The following DYRK2 variants were observed in gnomAD, a reference collection of about 807,000 sequenced individuals.
DYRK2 encodes the protein dual specificity tyrosine-phosphorylation-regulated kinase 2.
DYRK2 carries 12 observed loss-of-function variants against 41.6 expected under a neutral mutation model. The ratio of observed to expected loss-of-function variants is 0.29; its 90% CI spans 0.18 to 0.47. DYRK2 has a LOEUF of 0.47. DYRK2 is among the 20% of genes least tolerant of loss of function. The probability of loss-of-function intolerance (pLI) is 1.00; values close to 1 mark genes in which losing one functional copy is unlikely to be tolerated. For missense variants in DYRK2, 678 were observed against 798.4 expected (o/e 0.85, Z 1.82); for synonymous variants, 322 against 315.7 (o/e 1.02, Z -0.21).
rs1317358301 is a variant in DYRK2 at position 67,660,696 on chromosome 12, T to C, written c.*1983T>C. On this transcript the variant is annotated 3_prime_UTR_variant, in exon 3 of 3. Coordinates refer to ENST00000344096, the MANE Select transcript of DYRK2 (RefSeq NM_006482.3). ...CTCCCAATCAATGGCTTATAGAATT[T>C]AAAGATCTGTATATTAGATTTTGGC... 1 of 167,068 alleles carries C rather than the reference T, an allele frequency of 6.0e-6. No individual in the cohort carries two copies. The highest frequency in any genetic ancestry group is 1.5e-5 in the Non-Finnish European group (1 of 68,114). 10.3% of individuals were successfully genotyped at this position (167,068 alleles called of 1,614,324 possible).
At position 67,649,049 on chromosome 12, in the gene DYRK2, A is replaced by AGGCGGCGGC. The variant is rs925846387; in HGVS notation, c.-78_-70dup. ...GGGACCCGCGCGAGGGGCGGCCGGG[A>AGGCGGCGGC]GGCGGCGGCGGCGGCCGCCAGAAGT... On this transcript the variant is annotated 5_prime_UTR_variant, in exon 1 of 3. Coordinates refer to ENST00000344096, the MANE Select transcript of DYRK2 (RefSeq NM_006482.3). The AGGCGGCGGC allele has an allele frequency of 2.5e-6, 3 of 1,192,028 alleles. No homozygotes were observed. Among genetic ancestry groups the AGGCGGCGGC allele is most frequent in the Non-Finnish European group, 1.1e-6 (1 of 902,756 alleles). The allele number at this position is 1,192,028 out of a possible 1,614,324, so 73.8% of individuals were successfully genotyped here.
rs368663247 is a variant in DYRK2 at position 67,657,208 on chromosome 12, C to T, written c.301C>T (p.Arg101Trp). 13 of 1,613,840 alleles carry T rather than the reference C, an allele frequency of 8.1e-6. No homozygotes were observed. Among genetic ancestry groups the T allele is most frequent in the East Asian group, 4.5e-5 (2 of 44,886 alleles). ...QQLFEDNSNK[R>W]TVLTTQPNGL... ...GTTGTTTGAGGATAACAGTAACAAG[C>T]GGACAGTGCTCACGACACAACCAAA... Residue 101 changes from arginine to tryptophan, a missense_variant, in exon 3 of 3, where the codon CGG becomes TGG. By Grantham distance (101) the Arg-to-Trp change is moderately radical. Around this residue, in one of 2 missense-constraint regions of DYRK2, gnomAD observed 285 missense variants for 279.2 expected, o/e 1.02. Transcript: ENST00000344096. This position sits in a 1 kb window ranked among gnomAD's most constrained non-coding sequence, Gnocchi z 4.8.
rs150233125 is a variant in DYRK2 at position 67,659,379 on chromosome 12, T to G, written c.*666T>G. 131 of 167,250 alleles carry G rather than the reference T, an allele frequency of 7.8e-4. 1 individual carries two copies. The highest frequency in any genetic ancestry group is 3.3e-3 in the South Asian group (16 of 4,832). 10.4% of individuals were successfully genotyped at this position (167,250 alleles called of 1,614,324 possible). A position where few individuals can be genotyped will look rare whatever the true frequency, so the allele number is the denominator to read the frequency against. ...ATAAATGGGAATGGAAACGTGTGTG[T>G]TCCTCCAAATTTTCTAGTATGATCG... On this transcript the variant is annotated 3_prime_UTR_variant, in exon 3 of 3. Coordinates refer to ENST00000344096, the MANE Select transcript of DYRK2 (RefSeq NM_006482.3).
chr12:67,652,043 A>T (rs1370555298), intron 2 of DYRK2, among the ~76,000 whole-genome samples: 1 of 152,100 alleles, frequency 6.6e-6, no homozygotes. Flanking sequence ...AACTTCTAGA[A>T]TGAATGGGGG....
At position 67,657,423 on chromosome 12, in the gene DYRK2, C is replaced by T. The variant is rs768047878; in HGVS notation, c.516C>T (p.His172=). The change falls in exon 3 of 3, where the codon CAC becomes CAT. Residue 172 remains histidine (H), a synonymous_variant. Coordinates refer to ENST00000344096, the MANE Select transcript of DYRK2 (RefSeq NM_006482.3). The surrounding 1 kb of genome is among the most constrained non-coding windows in gnomAD (Gnocchi z 4.8). ...QYMQKLTAFE[H]HEIFSYPEIY... The stretch of plus-strand genomic sequence containing the variant: ...TGCAAAAACTCACAGCCTTCGAACA[C>T]CATGAGATTTTCAGCTACCCTGAAA... 1 of 1,614,160 alleles carries T rather than the reference C, an allele frequency of 6.2e-7. No homozygotes were observed. The highest frequency in any genetic ancestry group is 1.1e-5 in the South Asian group (1 of 91,078).
rs77010390 is a variant in DYRK2 at position 67,651,216 on chromosome 12, A to G, written c.198+1271A>G. ...AGTAGGATGGATGATTCTGTATATTACTGTTAAGTGTTCTTGTCACAGTGA... is the reference window on the plus strand; with the variant it reads ...AGTAGGATGGATGATTCTGTATATTGCTGTTAAGTGTTCTTGTCACAGTGA... On this transcript the variant is annotated intron_variant, in intron 2 of 2. Coordinates refer to ENST00000344096, the MANE Select transcript of DYRK2 (RefSeq NM_006482.3). 6.7e-3 allele frequency among the ~76,000 whole-genome samples: 1,023 copies of G among 152,220 alleles called. 11 individuals carry two copies. Among genetic ancestry groups the G allele is most frequent in the South Asian group, 0.06 (288 of 4,810 alleles).
chr12:67,664,471 A>G lies in DYRK2; in HGVS notation c.*5758A>G, dbSNP rs1413367378. The G allele has an allele frequency of 6.6e-6, 1 of 152,186 alleles. No homozygotes were observed. Among genetic ancestry groups the G allele is most frequent in the African/African-American group, 2.4e-5 (1 of 41,454 alleles). The allele number at this position is 152,186 out of a possible 1,614,324, so 9.4% of individuals were successfully genotyped here. A position where few individuals can be genotyped will look rare whatever the true frequency, so the allele number is the denominator to read the frequency against. ...ACATAGAAAGCTCCTTGGAGATTTC[A>G]TGATGTTGGATGAACATCAGTTTAT... On this transcript the variant is annotated 3_prime_UTR_variant, in exon 3 of 3. Transcript: ENST00000344096.
intron 2 of DYRK2, among the ~76,000 whole-genome samples, chr12:67,653,680 A>C (rs1245231074): frequency 6.6e-6 from 1 of 152,204 alleles, no homozygotes; most frequent in Non-Finnish European, 1.5e-5. Flanking sequence ...ATGAAGGTAC[A>C]CAATGTAGTT....
At chr12:67,651,331 G>T (rs1447559486) in intron 2 of DYRK2, 5 of 256,630 alleles carry the variant, frequency 1.9e-5, no homozygotes, top group Non-Finnish European at 3.1e-5. Context: ...CCAGTTTTTT[G>T]CTATGTGTTG....
intron 2 of DYRK2, chr12:67,652,774 G>A (rs1415950814): frequency 2.0e-5 from 3 of 152,224 alleles, no homozygotes; most frequent in Middle Eastern, 3.4e-3. Flanking sequence ...CTCTCAATTC[G>A]AACCCATAAA....
chr12:67,651,811 C>G (rs777268859), intron 2 of DYRK2, among the ~76,000 whole-genome samples: 2 of 152,170 alleles, frequency 1.3e-5, no homozygotes, highest in African/African-American at 2.4e-5. Flanking sequence ...GACAAGGTAA[C>G]TGGTTTCATC....
Position 67,659,072 on chromosome 12 carries a change from A to G in DYRK2, c.*359A>G, listed in dbSNP as rs1444367732. 2.1e-5 allele frequency: 4 copies of G among 188,584 alleles called. No individual in the cohort carries two copies. Among genetic ancestry groups the G allele is most frequent in the Non-Finnish European group, 4.8e-5 (4 of 83,224 alleles). 11.7% of individuals were successfully genotyped at this position (188,584 alleles called of 1,614,324 possible). A position where few individuals can be genotyped will look rare whatever the true frequency, so the allele number is the denominator to read the frequency against. On this transcript the variant is annotated 3_prime_UTR_variant, in exon 3 of 3. Coordinates refer to ENST00000344096, the MANE Select transcript of DYRK2 (RefSeq NM_006482.3). Reference sequence around the variant, plus strand: ...TCACTATGTTTTTATGGTTCATGTTATATCCTCCCCAGGGTGACAGCCCCT... The same window carrying G: ...TCACTATGTTTTTATGGTTCATGTTGTATCCTCCCCAGGGTGACAGCCCCT...
At position 67,648,849 on chromosome 12, in the gene DYRK2, C is replaced by T. The variant is rs1162501860; in HGVS notation, c.-285C>T. 4.2e-6 allele frequency: 1 copy of T among 237,820 alleles called. No individual in the cohort carries two copies. The highest frequency in any genetic ancestry group is 8.0e-5 in the East Asian group (1 of 12,478). The allele number at this position is 237,820 out of a possible 1,614,324, so 14.7% of individuals were successfully genotyped here. On this transcript the variant is annotated 5_prime_UTR_variant, in exon 1 of 3. Coordinates refer to ENST00000344096, the MANE Select transcript of DYRK2 (RefSeq NM_006482.3). ...GAGGGAGACGGGGAGGCCCGCGGCGCGCAGGGGAGGGCGAGGCATGTGCAC... is the reference window on the plus strand; with the variant it reads ...GAGGGAGACGGGGAGGCCCGCGGCGTGCAGGGGAGGGCGAGGCATGTGCAC...
At chr12:67,651,892 A>G (rs1872331719) in intron 2 of DYRK2, among the ~76,000 whole-genome samples, 1 of 152,182 alleles carries the variant, frequency 6.6e-6, no homozygotes, top group Non-Finnish European at 1.5e-5. Context: ...GTTTTAATAT[A>G]CTGATGGAGA....
intron 2 of DYRK2, among the ~76,000 whole-genome samples, chr12:67,655,941 A>G (rs1872456527): frequency 6.6e-6 from 1 of 152,228 alleles, no homozygotes; most frequent in Admixed American, 6.5e-5. Flanking sequence ...AGTTAATTGT[A>G]AGTTCCTGGA....
chr12:67,653,199 A>C (rs1034088702), intron 2 of DYRK2, among the ~76,000 whole-genome samples: 1 of 152,184 alleles, frequency 6.6e-6, no homozygotes, highest in Non-Finnish European at 1.5e-5. Context: ...CCATGATCTC[A>C]GACTTCAAGA....
rs946857669 is a variant in DYRK2, at chr12:67,653,049, T to C, written c.198+3104T>C. Reference sequence around the variant, plus strand: ...TTCACCATGTTGGCCAGGTTGGTTATGAACTCCTGACCTCAAATGATCCAC... The same window carrying C: ...TTCACCATGTTGGCCAGGTTGGTTACGAACTCCTGACCTCAAATGATCCAC... On this transcript the variant is annotated intron_variant, in intron 2 of 2. Transcript: ENST00000344096. Among the ~76,000 whole-genome samples the C allele has an allele frequency of 5.6e-5, 8 of 143,198 alleles. No individual in the cohort carries two copies. In the East Asian group the frequency reaches 1.5e-3, roughly 28 times the overall value. The allele number at this position is 143,198 out of a possible 152,430, so 93.9% of individuals were successfully genotyped here. A position where few individuals can be genotyped will look rare whatever the true frequency, so the allele number is the denominator to read the frequency against.
At position 67,649,226 on chromosome 12, in the gene DYRK2, G is replaced by A. The variant is rs755146802; in HGVS notation, c.49+44G>A. 21 of 1,423,286 alleles carry A rather than the reference G, an allele frequency of 1.5e-5. No individual in the cohort carries two copies. The Middle Eastern group carries it at 9.6e-4, about 65-fold the overall frequency. 88.2% of individuals were successfully genotyped at this position (1,423,286 alleles called of 1,614,324 possible). A position where few individuals can be genotyped will look rare whatever the true frequency, so the allele number is the denominator to read the frequency against. On this transcript the variant is annotated intron_variant, in intron 1 of 2. Coordinates refer to ENST00000344096, the MANE Select transcript of DYRK2 (RefSeq NM_006482.3). ...CGCGCCGCATCCCCGGACCCCCGCC[G>A]GCCCTGGGCAGCCCCTGTGGCGCGG... is the stretch of plus-strand genomic sequence containing the variant.
At position 67,665,081 on chromosome 12, in the gene DYRK2, T is replaced by C. The variant is rs908023653; in HGVS notation, c.*6368T>C. 6.6e-6 allele frequency: 1 copy of C among 152,144 alleles called. No individual in the cohort carries two copies. The highest frequency in any genetic ancestry group is 2.4e-5 in the African/African-American group (1 of 41,444). 9.4% of individuals were successfully genotyped at this position (152,144 alleles called of 1,614,324 possible). ...CATATTTAAGAAAATATAGAATGCC[T>C]GCCAGGGAAATATATAAAAATAAAA... On this transcript the variant is annotated 3_prime_UTR_variant, in exon 3 of 3. Transcript: ENST00000344096.
Sources: allele counts gnomAD v4.1 joint callset (sites outside exome capture counted in the v4.1 genomes callset), GRCh38; gene constraint gnomAD v4.1.1; regional missense constraint gnomAD v4.1.1; non-coding constraint Gnocchi (gnomAD v3.1); transcripts MANE v1.5; gene names NCBI Gene and HGNC (gene_info 2026-07-23, HGNC 2026-07-21).